Variants in GRIK2 observed in about 807,000 individuals in gnomAD.
GRIK2 encodes glutamate ionotropic receptor kainate type subunit 2, also known as glutamate receptor ionotropic, kainate 2.
A neutral mutation model predicts 100.3 loss-of-function variants in GRIK2; 32 were observed. The observed-to-expected ratio is 0.32, with a 90% CI of 0.24 to 0.43. The LOEUF (loss-of-function observed/expected upper bound fraction) is 0.43. GRIK2 is among the 20% of genes least tolerant of loss of function. The pLI is 1.00. For missense variants in GRIK2, 843 were observed against 1,114.9 expected (o/e 0.76, Z 3.47); for synonymous variants, 417 against 389.4 (o/e 1.07, Z -0.83).
At chr6:101,583,351 G>T (rs1188016234) in intron 2 of GRIK2, among the ~76,000 whole-genome samples, 1 of 152,102 alleles carries the variant, frequency 6.6e-6, no homozygotes, top group African/African-American at 2.4e-5. Flanking sequence ...AGGGCTTTTG[G>T]AGCAAAAAGT....
rs116791751 is a variant in GRIK2 at position 101,647,531 on chromosome 6, C to T, written c.541+20894C>T. On this transcript the variant is annotated intron_variant, in intron 4 of 16. Coordinates refer to ENST00000369134, the MANE Select transcript of GRIK2 (RefSeq NM_021956.5). ...TTTATGAGATATAAGAAATCACAGC[C>T]ATATAAATAAGGCACAAGCAGAGAT... Among the ~76,000 whole-genome samples, 512 of 151,960 alleles carry T rather than the reference C, an allele frequency of 3.4e-3. 3 individuals carry two copies. The highest frequency in any genetic ancestry group is 0.012 in the African/African-American group (501 of 41,480).
chr6:101,627,117 C>CTG (rs111285339), intron 4 of GRIK2, among the ~76,000 whole-genome samples: 10,759 of 144,884 alleles, frequency 0.074, 414 homozygotes, highest in African/African-American at 0.11. Context: ...GTGTGTGTCT[C>CTG]TGTGTGTGTG....
Position 101,666,491 on chromosome 6 carries a change from C to T in GRIK2, c.542-10132C>T, listed in dbSNP as rs562108099. Among the ~76,000 whole-genome samples, 7 of 152,320 alleles carry T rather than the reference C, an allele frequency of 4.6e-5. No homozygotes were observed. The South Asian group carries it at 1.4e-3, about 32-fold the overall frequency. On this transcript the variant is annotated intron_variant, in intron 4 of 16. Transcript: ENST00000369134. ...GATGCCACATAGCTCAAAGCCTCTA[C>T]CATGAATCACATTGTTTGACTAATC...
At chr6:101,747,124 T>C (rs1015373728) in intron 7 of GRIK2, among the ~76,000 whole-genome samples, 1 of 152,234 alleles carries the variant, frequency 6.6e-6, no homozygotes, top group African/African-American at 2.4e-5. Context: ...GTTTGGTATC[T>C]TAAATCATGA....
chr6:101,762,242 A>G (rs1268212389), intron 7 of GRIK2, among the ~76,000 whole-genome samples: 1 of 151,546 alleles, frequency 6.6e-6, no homozygotes, highest in Non-Finnish European at 1.5e-5. Flanking sequence ...TGGCACTATC[A>G]TAACTCATTG....
intron 14 of GRIK2, among the ~76,000 whole-genome samples, chr6:101,994,376 A>T (rs774384585): frequency 6.6e-6 from 1 of 151,772 alleles, no homozygotes; most frequent in African/African-American, 2.4e-5. Context: ...TGAAATGATA[A>T]ATCTTTTTCA....
intron 2 of GRIK2, among the ~76,000 whole-genome samples, chr6:101,412,632 T>C (rs1775935926): frequency 6.6e-6 from 1 of 152,048 alleles, no homozygotes; most frequent in South Asian, 2.1e-4. Flanking sequence ...TTCAATTCTT[T>C]TAATAATAAA....
chr6:101,915,135 G>A (rs1037539525), intron 12 of GRIK2, among the ~76,000 whole-genome samples: 6 of 151,422 alleles, frequency 4.0e-5, no homozygotes, highest in African/African-American at 1.5e-4. Context: ...GATACGGGCT[G>A]TGTGACTCAA....
At chr6:102,036,428 T>C (rs1353764655) in intron 15 of GRIK2, among the ~76,000 whole-genome samples, 2 of 151,408 alleles carry the variant, frequency 1.3e-5, no homozygotes, top group East Asian at 3.9e-4. Flanking sequence ...AAAGATACTT[T>C]GCAGATGCGA....
At chr6:101,703,636 G>A (rs954364120) in intron 7 of GRIK2, among the ~76,000 whole-genome samples, 1 of 151,686 alleles carries the variant, frequency 6.6e-6, no homozygotes, top group African/African-American at 2.4e-5. Flanking sequence ...AAATGAACCT[G>A]AAGAGATACA....
At chr6:101,883,511 A>G (rs1446121435) in intron 11 of GRIK2, among the ~76,000 whole-genome samples, 1 of 152,074 alleles carries the variant, frequency 6.6e-6, no homozygotes, top group Non-Finnish European at 1.5e-5. Flanking sequence ...AAGACTGACA[A>G]GTGACAATGT....
chr6:101,775,550 A>T (rs62419278), intron 7 of GRIK2, among the ~76,000 whole-genome samples: 149,195 of 150,480 alleles, frequency 0.99, 73,955 homozygotes, highest in South Asian at 1. Context: ...TATGTGTGTG[A>T]GATATATATA....
chr6:101,988,577 A>G (rs940816005), intron 14 of GRIK2, among the ~76,000 whole-genome samples: 2 of 151,768 alleles, frequency 1.3e-5, no homozygotes, highest in African/African-American at 4.8e-5. Flanking sequence ...TATCTGTAAA[A>G]TGGGGTTAAT....
At chr6:101,883,154 C>T (rs964308507) in intron 11 of GRIK2, among the ~76,000 whole-genome samples, 6 of 151,534 alleles carry the variant, frequency 4.0e-5, no homozygotes, top group African/African-American at 1.2e-4. Context: ...AGTACAAGGA[C>T]GTTTTTATTA....
chr6:101,985,402 AAGT>A (rs1221991992), intron 14 of GRIK2, among the ~76,000 whole-genome samples: 1 of 151,666 alleles, frequency 6.6e-6, no homozygotes, highest in African/African-American at 2.4e-5. Flanking sequence ...CAATGTAGAG[AAGT>A]AGTTTCTTAT....
intron 4 of GRIK2, among the ~76,000 whole-genome samples, chr6:101,668,029 G>T (rs935629033): frequency 6.6e-5 from 10 of 152,126 alleles, no homozygotes; most frequent in Admixed American, 5.9e-4. Context: ...AATTTACTAG[G>T]TTATATCATA....
intron 4 of GRIK2, among the ~76,000 whole-genome samples, chr6:101,660,436 G>A (rs529032092): frequency 6.6e-6 from 1 of 152,020 alleles, no homozygotes; most frequent in South Asian, 2.1e-4. Flanking sequence ...TTAGATCGGA[G>A]GAGTTTGTTA....
At chr6:101,926,028 A>G (rs1789865830) in intron 13 of GRIK2, among the ~76,000 whole-genome samples, 1 of 151,050 alleles carries the variant, frequency 6.6e-6, no homozygotes, top group Admixed American at 6.6e-5. Flanking sequence ...TATGTAAACT[A>G]TATTTTTATA....
At chr6:101,673,966 A>T (rs1770632321) in intron 4 of GRIK2, among the ~76,000 whole-genome samples, 1 of 152,236 alleles carries the variant, frequency 6.6e-6, no homozygotes, top group Non-Finnish European at 1.5e-5. Context: ...TAAGAAGATT[A>T]TAAGTCATAC....
Sources: allele counts gnomAD v4.1 joint callset (sites outside exome capture counted in the v4.1 genomes callset), GRCh38; gene constraint gnomAD v4.1.1; transcripts MANE v1.5; gene names NCBI Gene and HGNC (gene_info 2026-07-23, HGNC 2026-07-21).